The following ARHGAP24 variants were observed in gnomAD, a reference collection of about 807,000 sequenced individuals.
ARHGAP24 encodes the protein rho GTPase-activating protein 24.
ARHGAP24 carries 50 observed loss-of-function variants against 76.4 expected under a neutral mutation model. The observed-to-expected ratio is 0.65, with a 90% CI of 0.52 to 0.83. The LOEUF (loss-of-function observed/expected upper bound fraction) is 0.83, where lower values mean the gene tolerates loss of function less well. ARHGAP24 is among the 40% of genes least tolerant of loss of function. The probability of loss-of-function intolerance (pLI) is 0.00; values close to 1 mark genes in which losing one functional copy is unlikely to be tolerated. For synonymous variants in ARHGAP24, 345 were observed against 323.3 expected, an observed-to-expected ratio of 1.07 and a Z score of -0.72; for missense variants, 930 against 914.2, an observed-to-expected ratio of 1.02 and a Z score of -0.22.
chr4:85,762,203 C>CTAAGT (rs1461331772), intron 3 of ARHGAP24, among the ~76,000 whole-genome samples: 1 of 152,158 alleles, frequency 6.6e-6, no homozygotes, highest in East Asian at 1.9e-4. Flanking sequence ...TGCCCAAATA[C>CTAAGT]TAAGCTACAT....
chr4:85,586,579 C>T (rs1170663455), intron 2 of ARHGAP24, among the ~76,000 whole-genome samples: 3 of 152,026 alleles, frequency 2.0e-5, no homozygotes, highest in African/African-American at 4.8e-5. Context: ...GATTATAATT[C>T]GTATAAGGGA....
chr4:85,619,556 G>A (rs113393123), intron 2 of ARHGAP24, among the ~76,000 whole-genome samples: 6 of 150,880 alleles, frequency 4.0e-5, no homozygotes, highest in African/African-American at 1.5e-4. Context: ...GATTGCTTTG[G>A]TAGTAAGGAC....
intron 2 of ARHGAP24, among the ~76,000 whole-genome samples, chr4:85,687,194 G>C (rs1275292397): frequency 6.6e-6 from 1 of 152,074 alleles, no homozygotes; most frequent in Non-Finnish European, 1.5e-5. Context: ...CTTAGTTTGG[G>C]AAACAGATAA....
At chr4:85,590,653 C>T (rs1560544038) in intron 2 of ARHGAP24, among the ~76,000 whole-genome samples, 1 of 152,074 alleles carries the variant, frequency 6.6e-6, no homozygotes. Flanking sequence ...AGCCACCACA[C>T]CTGACCCTTT....
intron 3 of ARHGAP24, among the ~76,000 whole-genome samples, chr4:85,905,856 G>T (rs535039987): frequency 2.8e-4 from 42 of 152,232 alleles, no homozygotes; most frequent in South Asian, 1.0e-3. Context: ...ATCTCAAATT[G>T]TGCACTTGGG....
chr4:85,777,205 T>C (rs1271984556), intron 3 of ARHGAP24, among the ~76,000 whole-genome samples: 1 of 152,226 alleles, frequency 6.6e-6, no homozygotes, highest in Non-Finnish European at 1.5e-5. Context: ...TTCCAGAAAA[T>C]CTAATTGTCA....
chr4:85,850,286 C>A (rs1336811807), intron 3 of ARHGAP24, among the ~76,000 whole-genome samples: 2 of 151,988 alleles, frequency 1.3e-5, no homozygotes, highest in Admixed American at 1.3e-4. Flanking sequence ...TGTGGGATCG[C>A]TGGTGATATC....
intron 4 of ARHGAP24, among the ~76,000 whole-genome samples, chr4:85,935,157 C>A (rs1457147404): frequency 1.3e-5 from 2 of 152,136 alleles, no homozygotes; most frequent in Non-Finnish European, 2.9e-5. Flanking sequence ...ATTTGCCCAA[C>A]AAAACACCAC....
At position 85,568,300 on chromosome 4, in the gene ARHGAP24, A is replaced by G. The variant is rs1726926965; in HGVS notation, c.-20-2222A>G. Among the ~76,000 whole-genome samples the G allele has an allele frequency of 2.4e-5, 3 of 123,656 alleles. No homozygotes were observed. The South Asian group carries it at 7.5e-4, about 31-fold the overall frequency. 81.1% of individuals were successfully genotyped at this position (123,656 alleles called of 152,430 possible). Reference sequence around the variant, plus strand: ...CAATGAATTCTAGATTTGTGTGTGCATGTTTGTTGCGGGGGGGAGGGGGGC... The same window carrying G: ...CAATGAATTCTAGATTTGTGTGTGCGTGTTTGTTGCGGGGGGGAGGGGGGC... On this transcript the variant is annotated intron_variant, in intron 1 of 9. Transcript: ENST00000395184.
chr4:85,954,112 T>C (rs1416290757), intron 5 of ARHGAP24, among the ~76,000 whole-genome samples: 1 of 152,148 alleles, frequency 6.6e-6, no homozygotes, highest in Non-Finnish European at 1.5e-5. Context: ...TTAAAACAAA[T>C]GAGCTGCCCC....
intron 2 of ARHGAP24, among the ~76,000 whole-genome samples, chr4:85,607,299 A>AT (rs1720226320): frequency 6.6e-6 from 1 of 151,986 alleles, no homozygotes; most frequent in Non-Finnish European, 1.5e-5. Context: ...AGTTTCTTTT[A>AT]TTTTAGCCAC....
intron 3 of ARHGAP24, among the ~76,000 whole-genome samples, chr4:85,774,920 A>G (rs11934663): frequency 0.016 from 2,436 of 152,296 alleles, 69 homozygotes; most frequent in African/African-American, 0.055. Context: ...CCTGTTTTAT[A>G]CTAGATACTG....
intron 2 of ARHGAP24, among the ~76,000 whole-genome samples, chr4:85,610,628 G>A (rs112866964): frequency 5.3e-5 from 8 of 152,092 alleles, no homozygotes; most frequent in South Asian, 2.1e-4. Flanking sequence ...GGTTTCTAGC[G>A]TCGTGGGGAA....
At chr4:85,804,109 T>G (rs1728692309) in intron 3 of ARHGAP24, among the ~76,000 whole-genome samples, 1 of 152,126 alleles carries the variant, frequency 6.6e-6, no homozygotes, top group East Asian at 1.9e-4. Flanking sequence ...GTGGCTAACC[T>G]TTTGTATTGA....
At chr4:85,914,322 T>C (rs190470434) in intron 3 of ARHGAP24, among the ~76,000 whole-genome samples, 2 of 152,258 alleles carry the variant, frequency 1.3e-5, no homozygotes, top group Non-Finnish European at 2.9e-5. Context: ...GAGTAGTGGT[T>C]CTCAAACTTT....
intron 3 of ARHGAP24, among the ~76,000 whole-genome samples, chr4:85,889,033 G>A (rs975071220): frequency 2.0e-5 from 3 of 151,978 alleles, no homozygotes; most frequent in East Asian, 3.9e-4. Flanking sequence ...TATTTGATGG[G>A]CATTTAGCTT....
At chr4:85,612,181 G>C (rs1720410063) in intron 2 of ARHGAP24, among the ~76,000 whole-genome samples, 1 of 151,922 alleles carries the variant, frequency 6.6e-6, no homozygotes, top group South Asian at 2.1e-4. Context: ...CACTTTGGGA[G>C]GCCGAGGCGG....
chr4:85,964,062 G>A (rs1209689879), intron 5 of ARHGAP24, among the ~76,000 whole-genome samples: 4 of 152,030 alleles, frequency 2.6e-5, no homozygotes, highest in African/African-American at 9.7e-5. Flanking sequence ...TTGAACTTAA[G>A]CATTGTCAGT....
chr4:85,492,431 A>G, intron 1 of ARHGAP24, among the ~76,000 whole-genome samples: 1 of 152,148 alleles, frequency 6.6e-6, no homozygotes, highest in East Asian at 1.9e-4. Context: ...TAAAGCTTTT[A>G]TGGAAATGTA....
Sources: gnomAD v4.1 joint callset for allele counts (sites outside exome capture counted in the v4.1 genomes callset) on GRCh38, gnomAD v4.1.1 for gene constraint, MANE v1.5 for transcripts, NCBI Gene and HGNC (gene_info 2026-07-23, HGNC 2026-07-21) for gene names.